CCDC39: variants seen among roughly 807,000 people sequenced by gnomAD.
CCDC39 encodes the protein coiled-coil domain 39 molecular ruler complex subunit.
CCDC39 carries 113 observed loss-of-function variants against 121.0 expected under a neutral mutation model. That is an observed-to-expected ratio of 0.93 (90% CI 0.80 to 1.09). The LOEUF (loss-of-function observed/expected upper bound fraction) is 1.09. Among genes scored for constraint, CCDC39 ranks in the 50% least tolerant of loss-of-function variants. The probability of loss-of-function intolerance (pLI) is 0.00; values close to 1 mark genes in which losing one functional copy is unlikely to be tolerated. For synonymous variants in CCDC39, 349 were observed against 352.2 expected, an observed-to-expected ratio of 0.99 and a Z score of 0.10; for missense variants, 1,063 against 1,074.7, an observed-to-expected ratio of 0.99 and a Z score of 0.15.
chr3:180,634,632 G>A (rs561717298), intron 13 of CCDC39, among the ~76,000 whole-genome samples: 27 of 152,180 alleles, frequency 1.8e-4, no homozygotes, highest in Admixed American at 1.6e-3. Flanking sequence ...GCACCAAGCC[G>A]TGATCTACAG....
At chr3:180,664,277 A>G (rs1160571293) in intron 1 of CCDC39, among the ~76,000 whole-genome samples, 2 of 152,134 alleles carry the variant, frequency 1.3e-5, no homozygotes, top group Non-Finnish European at 2.9e-5. Context: ...GTATCTTCAC[A>G]TGACAGAGAA....
In CCDC39 at chr3:180,659,580, A is replaced by G; in HGVS notation, c.610T>C (p.Leu204=). 6.2e-7 allele frequency: 1 copy of G among 1,611,472 alleles called. No individual in the cohort carries two copies. Among genetic ancestry groups the G allele is most frequent in the South Asian group, 1.1e-5 (1 of 90,444 alleles). The change falls in exon 6 of 20, where the codon TTA becomes CTA. Residue 204 remains leucine, a splice_region_variant and synonymous_variant. Transcript: ENST00000476379. ...TCTTGTGCTGCTTTATCCAATTCTA[A>G]CTGTCAAACAGAGAGCAAAGAACAT... The part of the protein sequence containing the change: ...NELTETISAQ[L]ELDKAAQDFR...
intron 8 of CCDC39, among the ~76,000 whole-genome samples, chr3:180,651,937 T>C (rs1422609846): frequency 6.6e-6 from 1 of 151,698 alleles, no homozygotes; most frequent in South Asian, 2.1e-4. Context: ...CTCAGGAGAC[T>C]GAGGCAGGAA....
chr3:180,616,613 T>G lies in CCDC39; in HGVS notation c.2489A>C (p.Glu830Ala). 1 of 1,596,558 alleles carries G rather than the reference T, an allele frequency of 6.3e-7. No homozygotes were observed. Among genetic ancestry groups the G allele is most frequent in the South Asian group, 1.1e-5 (1 of 87,742 alleles). The change falls in exon 18 of 20, where the codon GAA becomes GCA. Residue 830 changes from glutamate to alanine, a missense_variant. Physicochemically the swap from Glu to Ala is moderately radical, Grantham distance 107. Coordinates refer to ENST00000476379, the MANE Select transcript of CCDC39 (RefSeq NM_181426.2). The part of the protein sequence containing the change: ...TMEEQDIKLR[E>A]MKQFHKVIDE... ...AATAACTTTGTGAAACTGTTTCATT[T>G]CACGAAGTTTGATGTCTTGTTCTTC...
intron 1 of CCDC39, among the ~76,000 whole-genome samples, chr3:180,678,208 C>A (rs2108438259): frequency 1.3e-5 from 2 of 152,224 alleles, no homozygotes; most frequent in East Asian, 1.9e-4. Flanking sequence ...GTATTAATTC[C>A]TCGGTACTCA....
At chr3:180,673,340 A>C (rs1712101835) in intron 1 of CCDC39, among the ~76,000 whole-genome samples, 5 of 152,186 alleles carry the variant, frequency 3.3e-5, no homozygotes. Context: ...GGCAAAGTTC[A>C]TTGTTCTCTT....
chr3:180,637,031 T>C (rs959954501), intron 13 of CCDC39, among the ~76,000 whole-genome samples: 3 of 152,182 alleles, frequency 2.0e-5, no homozygotes, highest in African/African-American at 7.2e-5. Flanking sequence ...AAAGATTTCA[T>C]GATGAAGATG....
intron 14 of CCDC39, among the ~76,000 whole-genome samples, chr3:180,621,614 C>T (rs1400923020): frequency 6.6e-6 from 1 of 151,932 alleles, no homozygotes; most frequent in Non-Finnish European, 1.5e-5. Flanking sequence ...GCTACATGTG[C>T]AGGATTGTTA....
chr3:180,630,742 G>C (rs147976748), intron 14 of CCDC39, among the ~76,000 whole-genome samples: 109 of 152,168 alleles, frequency 7.2e-4, no homozygotes, highest in African/African-American at 2.5e-3. Flanking sequence ...TTTCCCCTTT[G>C]GGTTAAAGAT....
intron 10 of CCDC39, 49 bp downstream of exon 10, chr3:180,648,116 A>G (rs1223828050): frequency 1.4e-6 from 2 of 1,446,548 alleles, no homozygotes; most frequent in Non-Finnish European, 1.9e-6. Context: ...CTTGACCATC[A>G]CAACTGTAAT....
chr3:180,620,001 A>G (rs781385113), intron 14 of CCDC39, 31 bp from the exon 15 acceptor site: 13 of 1,526,180 alleles, frequency 8.5e-6, no homozygotes, highest in Middle Eastern at 1.7e-4. Flanking sequence ...CTGGTTGAAT[A>G]AAAGCATTTA....
chr3:180,642,346 G>A (rs1459542962), intron 12 of CCDC39, 145 bp from the exon 13 acceptor site: 5 of 427,832 alleles, frequency 1.2e-5, no homozygotes, highest in Non-Finnish European at 1.6e-5. Context: ...GCCTAAAATT[G>A]ATCATAGTTT....
intron 11 of CCDC39, among the ~76,000 whole-genome samples, chr3:180,646,807 A>T (rs370394588): frequency 7.9e-5 from 12 of 152,114 alleles, no homozygotes; most frequent in African/African-American, 2.9e-4. Flanking sequence ...ACTCTATAAA[A>T]CAGATAATAG....
At chr3:180,636,181 A>G (rs1717820687) in intron 13 of CCDC39, among the ~76,000 whole-genome samples, 1 of 152,196 alleles carries the variant, frequency 6.6e-6, no homozygotes, top group African/African-American at 2.4e-5. Flanking sequence ...TTTGCAGATG[A>G]TATGATTCTA....
chr3:180,645,542 A>T (rs1718048889), intron 11 of CCDC39, among the ~76,000 whole-genome samples: 2 of 152,118 alleles, frequency 1.3e-5, no homozygotes, highest in African/African-American at 4.8e-5. Flanking sequence ...GATTTCAGCA[A>T]GATAGTAAGA....
At chr3:180,663,823 C>A in intron 2 of CCDC39, 44 bp downstream of exon 2, 1 of 1,586,714 alleles carries the variant, frequency 6.3e-7, no homozygotes, top group South Asian at 1.1e-5. Flanking sequence ...ATGAGATGTT[C>A]CATGACTACA....
intron 1 of CCDC39, among the ~76,000 whole-genome samples, chr3:180,674,950 T>C (rs571300418): frequency 2.0e-5 from 3 of 152,332 alleles, no homozygotes; most frequent in African/African-American, 7.2e-5. Flanking sequence ...TCTTTTTTTG[T>C]TGTATCTCTG....
At chr3:180,642,655 G>C (rs902740794) in intron 12 of CCDC39, among the ~76,000 whole-genome samples, 3 of 151,944 alleles carry the variant, frequency 2.0e-5, no homozygotes, top group Non-Finnish European at 4.4e-5. Flanking sequence ...AACACTCCAG[G>C]ATATAAGATT....
intron 10 of CCDC39, 70 bp from the exon 11 acceptor site, chr3:180,647,313 G>T: frequency 7.5e-7 from 1 of 1,330,884 alleles, no homozygotes; most frequent in South Asian, 1.4e-5. Context: ...TAAAAACAAA[G>T]TGAATACTTT....
Sources: gnomAD v4.1 joint callset for allele counts (sites outside exome capture counted in the v4.1 genomes callset) on GRCh38, gnomAD v4.1.1 for gene constraint, MANE v1.5 for transcripts, NCBI Gene and HGNC (gene_info 2026-07-23, HGNC 2026-07-21) for gene names.